Variants in HNRNPC observed in about 807,000 individuals in gnomAD.
HNRNPC encodes the protein heterogeneous nuclear ribonucleoprotein C.
In HNRNPC, 3 loss-of-function variants were observed where a neutral mutation model predicts 33.2. The observed-to-expected ratio is 0.09, with a 90% CI of 0.04 to 0.23. HNRNPC has a LOEUF of 0.23. Among genes scored for constraint, HNRNPC ranks in the 10% least tolerant of loss-of-function variants. The probability of loss-of-function intolerance (pLI) is 1.00; values close to 1 mark genes in which losing one functional copy is unlikely to be tolerated. For missense variants in HNRNPC, 143 were observed against 366.7 expected (o/e 0.39, Z 4.98); for synonymous variants, 121 against 126.7 (o/e 0.96, Z 0.30).
intron 2 of HNRNPC, among the ~76,000 whole-genome samples, chr14:21,255,836 T>C (rs1363899473): frequency 6.6e-6 from 1 of 152,048 alleles, no homozygotes; most frequent in Non-Finnish European, 1.5e-5. Flanking sequence ...TGCTAAAGAG[T>C]ATTTAGGAGA....
chr14:21,231,821 T>C (rs962879822), intron 3 of HNRNPC, among the ~76,000 whole-genome samples: 2 of 152,344 alleles, frequency 1.3e-5, no homozygotes, highest in Middle Eastern at 3.4e-3. Context: ...AAACTATCAC[T>C]GGTTGCCTTT....
At chr14:21,253,970 A>G (rs1004613487) in intron 2 of HNRNPC, among the ~76,000 whole-genome samples, 3 of 150,694 alleles carry the variant, frequency 2.0e-5, no homozygotes, top group African/African-American at 7.3e-5. Flanking sequence ...CAGGAGGCTG[A>G]GGCAGGAGAA....
intron 2 of HNRNPC, among the ~76,000 whole-genome samples, chr14:21,243,751 A>T (rs974274163): frequency 6.6e-6 from 1 of 152,138 alleles, no homozygotes; most frequent in Non-Finnish European, 1.5e-5. Context: ...AAGTACTTCC[A>T]TGTTTGCTTG....
At chr14:21,242,282 A>C (rs1022148843) in intron 2 of HNRNPC, among the ~76,000 whole-genome samples, 3 of 152,214 alleles carry the variant, frequency 2.0e-5, no homozygotes, top group African/African-American at 7.2e-5. Flanking sequence ...CAAGAGGTGG[A>C]GACCAAACTG....
At position 21,234,244 on chromosome 14, in the gene HNRNPC, A is replaced by T; in HGVS notation, c.-36-15T>A. 1 of 1,599,452 alleles carries T rather than the reference A, an allele frequency of 6.3e-7. No homozygotes were observed. Among genetic ancestry groups the T allele is most frequent in the Non-Finnish European group, 8.5e-7 (1 of 1,172,150 alleles). The stretch of plus-strand genomic sequence containing the variant: ...AAAGCCGAAAACTGTAAAGCAAAAA[A>T]AAGTATACAGGTGAACAGATGCTAA... On this transcript the variant is annotated splice_polypyrimidine_tract_variant and intron_variant, in intron 2 of 8. Coordinates refer to ENST00000553300, the MANE Select transcript of HNRNPC (RefSeq NM_004500.4).
In HNRNPC at chr14:21,225,312, C is replaced by A. The variant is rs1395208434; in HGVS notation, c.365+5007G>T. On this transcript the variant is annotated intron_variant, in intron 5 of 8. Transcript: ENST00000553300. ...CGCATGGTGGCAGGCACCTGTAACC[C>A]CAGCTAATTGGGAGGCCGATGATGC... 2.6e-5 allele frequency among the ~76,000 whole-genome samples: 4 copies of A among 151,946 alleles called. 1 individual carries two copies. Among genetic ancestry groups the A allele is most frequent in the Admixed American group, 6.6e-5 (1 of 15,242 alleles).
intron 5 of HNRNPC, among the ~76,000 whole-genome samples, chr14:21,224,736 C>T (rs1412067455): frequency 6.6e-6 from 1 of 152,128 alleles, no homozygotes; most frequent in African/African-American, 2.4e-5. Context: ...ACATTCTTTA[C>T]AATTTACTTT....
chr14:21,209,756 G>A lies in HNRNPC; in HGVS notation c.*1467C>T, dbSNP rs1371827128. ...TAGCAACTTTACAGGGGAATCCAAGGTTTGTGTGCACAAAAATTATAAGCG... is the reference window on the plus strand; with the variant it reads ...TAGCAACTTTACAGGGGAATCCAAGATTTGTGTGCACAAAAATTATAAGCG... On this transcript the variant is annotated 3_prime_UTR_variant, in exon 9 of 9. Coordinates refer to ENST00000553300, the MANE Select transcript of HNRNPC (RefSeq NM_004500.4). 4 of 152,172 alleles carry A rather than the reference G, an allele frequency of 2.6e-5. No individual in the cohort carries two copies. Among genetic ancestry groups the A allele is most frequent in the Non-Finnish European group, 4.4e-5 (3 of 68,038 alleles). 9.4% of individuals were successfully genotyped at this position (152,172 alleles called of 1,614,324 possible).
chr14:21,226,327 GAAAA>G (rs374686866), intron 5 of HNRNPC, among the ~76,000 whole-genome samples: 4 of 110,642 alleles, frequency 3.6e-5, no homozygotes, highest in Non-Finnish European at 7.7e-5. Flanking sequence ...GTTTCCAAAA[GAAAA>G]AAAAAAAAAA....
intron 2 of HNRNPC, among the ~76,000 whole-genome samples, chr14:21,237,610 G>A (rs1894848063): frequency 6.6e-6 from 1 of 152,098 alleles, no homozygotes; most frequent in South Asian, 2.1e-4. Context: ...TTTCTCTCTA[G>A]GTAGTATGGT....
rs71112561 is a variant in HNRNPC at position 21,253,461 on chromosome 14, CAAA to C, written c.-37+9847_-37+9849del. 9.3e-3 allele frequency among the ~76,000 whole-genome samples: 718 copies of C among 77,230 alleles called. 2 individuals carry two copies. Among genetic ancestry groups the C allele is most frequent in the Middle Eastern group, 0.018 (2 of 112 alleles). The allele number at this position is 77,230 out of a possible 152,430, so 50.7% of individuals were successfully genotyped here. On this transcript the variant is annotated intron_variant, in intron 2 of 8. Transcript: ENST00000553300. The stretch of plus-strand genomic sequence containing the variant: ...GCACTCCAACCTCTAGACTCCATCT[CAAA>C]AAAAAAAAAAAAAAAAAAAAAGATA...
chr14:21,242,894 C>G (rs1377655698), intron 2 of HNRNPC, among the ~76,000 whole-genome samples: 2 of 152,088 alleles, frequency 1.3e-5, no homozygotes, highest in African/African-American at 4.8e-5. Context: ...AAAATAAAAA[C>G]TAGGGGCCTT....
chr14:21,226,339 A>G (rs1283484741), intron 5 of HNRNPC, among the ~76,000 whole-genome samples: 1 of 151,664 alleles, frequency 6.6e-6, no homozygotes, highest in Non-Finnish European at 1.5e-5. Context: ...AAAAAAAAAA[A>G]AAAAAAGAAA....
At chr14:21,263,758 G>A (rs1231704871) in intron 1 of HNRNPC, 1 of 152,080 alleles carries the variant, frequency 6.6e-6, no homozygotes, top group African/African-American at 2.4e-5. Flanking sequence ...GTGTGTTCTG[G>A]AAGGGTGGGG....
At chr14:21,252,391 A>G (rs899144043) in intron 2 of HNRNPC, among the ~76,000 whole-genome samples, 1 of 152,124 alleles carries the variant, frequency 6.6e-6, no homozygotes, top group African/African-American at 2.4e-5. Flanking sequence ...GCTCACTGCA[A>G]CCTCTGCCTC....
rs140645455 is a variant in HNRNPC, at chr14:21,268,098, C to T, written c.-63+1200G>A. Reference sequence around the variant, plus strand: ...AGATTAACAGATTGTGAAAAATAAACTTAGCCAAATCTCATGTGAGGATTA... The same window carrying T: ...AGATTAACAGATTGTGAAAAATAAATTTAGCCAAATCTCATGTGAGGATTA... On this transcript the variant is annotated intron_variant, in intron 1 of 8. Coordinates refer to ENST00000553300, the MANE Select transcript of HNRNPC (RefSeq NM_004500.4). Among the ~76,000 whole-genome samples the T allele has an allele frequency of 3.8e-4, 58 of 152,194 alleles. 1 individual carries two copies. The highest frequency in any genetic ancestry group is 1.1e-3 in the African/African-American group (45 of 41,516).
chr14:21,216,914 G>T (rs1566597164), intron 5 of HNRNPC, among the ~76,000 whole-genome samples: 2 of 151,982 alleles, frequency 1.3e-5, no homozygotes, highest in African/African-American at 4.8e-5. Context: ...CAATAAATCC[G>T]TTAAACTAGC....
At chr14:21,249,136 C>T (rs1183260022) in intron 2 of HNRNPC, among the ~76,000 whole-genome samples, 4 of 152,062 alleles carry the variant, frequency 2.6e-5, no homozygotes, top group Admixed American at 2.6e-4. Flanking sequence ...GTAATTTTTC[C>T]TTCTGCAAAG....
At chr14:21,238,821 T>G (rs1035965017) in intron 2 of HNRNPC, among the ~76,000 whole-genome samples, 14 of 152,234 alleles carry the variant, frequency 9.2e-5, no homozygotes, top group African/African-American at 3.4e-4. Context: ...TTACATGAAC[T>G]AGATTTAACA....
Sources: allele counts gnomAD v4.1 joint callset (sites outside exome capture counted in the v4.1 genomes callset), GRCh38; gene constraint gnomAD v4.1.1; transcripts MANE v1.5; gene names NCBI Gene and HGNC (gene_info 2026-07-23, HGNC 2026-07-21).